The following PLAC9 variants were observed in gnomAD, a reference collection of about 807,000 sequenced individuals.
The protein encoded by PLAC9 is placenta-specific protein 9.
PLAC9 carries 12 observed loss-of-function variants against 11.5 expected under a neutral mutation model. That is an observed-to-expected ratio of 1.05 (90% CI 0.67 to 1.69). The LOEUF (loss-of-function observed/expected upper bound fraction) is 1.69, where lower values mean the gene tolerates loss of function less well. Ranked by LOEUF, PLAC9 falls within the 40% of genes most tolerant of loss-of-function variation. PLAC9 has a pLI of 0.00. For synonymous variants in PLAC9, 62 were observed against 58.1 expected (o/e 1.07, Z -0.31); for missense variants, 132 against 130.5 (o/e 1.01, Z -0.06).
chr10:80,141,822 C>T (rs1054719997), intron 1 of PLAC9, among the ~76,000 whole-genome samples: 7 of 152,066 alleles, frequency 4.6e-5, no homozygotes, highest in African/African-American at 1.7e-4. Context: ...GCCATTCTGC[C>T]TGGCTGAAGC....
intron 2 of PLAC9, among the ~76,000 whole-genome samples, chr10:80,142,894 T>G (rs1845056918): frequency 6.6e-6 from 1 of 151,992 alleles, no homozygotes; most frequent in African/African-American, 2.4e-5. Flanking sequence ...CTAATTTCTG[T>G]ATTTATTTTG....
In PLAC9 at chr10:80,144,968, G is replaced by C; in HGVS notation, c.*58G>C. 2 of 1,556,074 alleles carry C rather than the reference G, an allele frequency of 1.3e-6. No individual in the cohort carries two copies. The highest frequency in any genetic ancestry group is 1.7e-6 in the Non-Finnish European group (2 of 1,147,768). Reference sequence around the variant, plus strand: ...GTGCACCTGCCAGGCAGCGCCCACAGAACCAGCCCTGTCCTCTCGACTTCC... The same window carrying C: ...GTGCACCTGCCAGGCAGCGCCCACACAACCAGCCCTGTCCTCTCGACTTCC... On this transcript the variant is annotated 3_prime_UTR_variant, in exon 4 of 4. Coordinates refer to ENST00000372263, the MANE Select transcript of PLAC9 (RefSeq NM_001012973.3).
chr10:80,143,516 C>T (rs1845065636), intron 2 of PLAC9, among the ~76,000 whole-genome samples: 1 of 148,966 alleles, frequency 6.7e-6, no homozygotes, highest in Non-Finnish European at 1.5e-5. Context: ...CTTGCCTCAG[C>T]CTCCCGAGTA....
Position 80,144,887 on chromosome 10 carries a change from T to C in PLAC9, c.284-13T>C. On this transcript the variant is annotated splice_polypyrimidine_tract_variant and intron_variant, in intron 3 of 3. Coordinates refer to ENST00000372263, the MANE Select transcript of PLAC9 (RefSeq NM_001012973.3). Reference sequence around the variant, plus strand: ...CCCCAGCTTGCTCACTGGGGGCCTCTGCTTTCTTTCAGATGGCTTCTGAGC... The same window carrying C: ...CCCCAGCTTGCTCACTGGGGGCCTCCGCTTTCTTTCAGATGGCTTCTGAGC... 6.4e-7 allele frequency: 1 copy of C among 1,573,478 alleles called. No homozygotes were observed. Among genetic ancestry groups the C allele is most frequent in the Non-Finnish European group, 8.6e-7 (1 of 1,159,480 alleles).
rs1845088689 is a variant in PLAC9, at chr10:80,145,124, T to C, written c.*214T>C. On this transcript the variant is annotated 3_prime_UTR_variant, in exon 4 of 4. Coordinates refer to ENST00000372263, the MANE Select transcript of PLAC9 (RefSeq NM_001012973.3). The stretch of plus-strand genomic sequence containing the variant: ...AGGAAGCCTGCAACCCCCTCCAGGC[T>C]CAGACCTGGGGACACCCCCACTCCT... 1.4e-6 allele frequency: 1 copy of C among 706,090 alleles called. No individual in the cohort carries two copies. The highest frequency in any genetic ancestry group is 2.2e-5 in the Admixed American group (1 of 45,620). The allele number at this position is 706,090 out of a possible 1,614,324, so 43.7% of individuals were successfully genotyped here. A position where few individuals can be genotyped will look rare whatever the true frequency, so the allele number is the denominator to read the frequency against.
intron 1 of PLAC9, among the ~76,000 whole-genome samples, chr10:80,138,323 T>C (rs1432868994): frequency 6.6e-6 from 1 of 152,154 alleles, no homozygotes; most frequent in Non-Finnish European, 1.5e-5. Flanking sequence ...CTTTCATCTG[T>C]AAATATTTCA....
chr10:80,142,073 T>C lies in PLAC9; in HGVS notation c.65-9T>C. On this transcript the variant is annotated splice_polypyrimidine_tract_variant and intron_variant, in intron 1 of 3. Transcript: ENST00000372263. The stretch of plus-strand genomic sequence containing the variant: ...GGGTCCCACAGTGACAAGACTTGTT[T>C]TCCCACAGCTGCCGAACCCTTCAGC... 1 of 1,603,832 alleles carries C rather than the reference T, an allele frequency of 6.2e-7. No individual in the cohort carries two copies.
At chr10:80,132,907 C>A in intron 1 of PLAC9, 81 bp downstream of exon 1, 3 of 1,250,986 alleles carry the variant, frequency 2.4e-6, no homozygotes, top group South Asian at 1.5e-5. Context: ...GCGAGAGAGA[C>A]GGAGAGAGAG....
rs1261860385 is a variant in PLAC9 at position 80,141,750 on chromosome 10, G to A, written c.65-332G>A. On this transcript the variant is annotated intron_variant, in intron 1 of 3. Transcript: ENST00000372263. ...CCCACCCTGTATCTCCAGCCACCGCGGGCTCCCTGCAGGTTTTGCACAGTG... is the reference window on the plus strand; with the variant it reads ...CCCACCCTGTATCTCCAGCCACCGCAGGCTCCCTGCAGGTTTTGCACAGTG... 5.9e-5 allele frequency among the ~76,000 whole-genome samples: 9 copies of A among 151,988 alleles called. No homozygotes were observed. In the East Asian group the frequency reaches 1.4e-3, roughly 23 times the overall value.
At chr10:80,138,394 C>T (rs555650650) in intron 1 of PLAC9, among the ~76,000 whole-genome samples, 1 of 152,256 alleles carries the variant, frequency 6.6e-6, no homozygotes, top group Admixed American at 6.5e-5. Flanking sequence ...TAATGTCCTC[C>T]TCCCTCCCCA....
chr10:80,142,311 A>G (rs1845050092), intron 2 of PLAC9, 132 bp downstream of exon 2: 1 of 671,140 alleles, frequency 1.5e-6, no homozygotes, highest in Admixed American at 2.8e-5. Flanking sequence ...CACCTCGTCC[A>G]ACATCACCCT....
At chr10:80,139,522 G>A (rs1325800331) in intron 1 of PLAC9, among the ~76,000 whole-genome samples, 1 of 152,194 alleles carries the variant, frequency 6.6e-6, no homozygotes, top group Non-Finnish European at 1.5e-5. Context: ...GTGGAGCACT[G>A]CTGGGGGAGG....
At chr10:80,139,168 G>A (rs1365382015) in intron 1 of PLAC9, among the ~76,000 whole-genome samples, 1 of 151,934 alleles carries the variant, frequency 6.6e-6, no homozygotes, top group Admixed American at 6.6e-5. Context: ...TAGCCAGGAT[G>A]GTCTCGATCT....
chr10:80,142,554 G>A (rs2784768), intron 2 of PLAC9, among the ~76,000 whole-genome samples: 85,375 of 151,658 alleles, frequency 0.56, 24,606 homozygotes, highest in Admixed American at 0.7. Flanking sequence ...TACAAACAGC[G>A]AGCCGTGGTA....
rs1206794840 is a variant in PLAC9 at position 80,144,939 on chromosome 10, G to C, written c.*29G>C. 1 of 1,568,870 alleles carries C rather than the reference G, an allele frequency of 6.4e-7. No individual in the cohort carries two copies. The highest frequency in any genetic ancestry group is 1.3e-5 in the African/African-American group (1 of 74,226). On this transcript the variant is annotated 3_prime_UTR_variant, in exon 4 of 4. Transcript: ENST00000372263. ...CTGGAGCTGGAGCCCAGCAGTTGGA[G>C]GTGGTGCACCTGCCAGGCAGCGCCC...
Position 80,141,723 on chromosome 10 carries a change from C to T in PLAC9, c.65-359C>T, listed in dbSNP as rs559985824. The stretch of plus-strand genomic sequence containing the variant: ...ACTTCCCTCTCCAGTCTCTCTCTCC[C>T]GCCCACCCTGTATCTCCAGCCACCG... On this transcript the variant is annotated intron_variant, in intron 1 of 3. Transcript: ENST00000372263. Among the ~76,000 whole-genome samples the T allele has an allele frequency of 1.6e-3, 250 of 152,298 alleles. 2 individuals are homozygous for T. The highest frequency in any genetic ancestry group is 5.4e-3 in the African/African-American group (224 of 41,574).
intron 1 of PLAC9, among the ~76,000 whole-genome samples, chr10:80,135,652 C>A (rs1453869481): frequency 1.3e-5 from 2 of 151,744 alleles, no homozygotes; most frequent in South Asian, 2.1e-4. Context: ...GTCTTGGTTT[C>A]TTTTAGCAGC....
chr10:80,132,949 A>T, intron 1 of PLAC9, 123 bp downstream of exon 1: 2 of 746,918 alleles, frequency 2.7e-6, no homozygotes, highest in Non-Finnish European at 3.9e-6. Context: ...ACAGAGAGGC[A>T]GATGCAGGGA....
intron 1 of PLAC9, among the ~76,000 whole-genome samples, chr10:80,140,230 A>AT (rs1845023630): frequency 6.6e-6 from 1 of 151,582 alleles, no homozygotes; most frequent in Admixed American, 6.6e-5. Flanking sequence ...AAAAAAAAAA[A>AT]TGACAACCAT....
Sources: gnomAD v4.1 joint callset for allele counts (sites outside exome capture counted in the v4.1 genomes callset) on GRCh38, gnomAD v4.1.1 for gene constraint, MANE v1.5 for transcripts, NCBI Gene and HGNC (gene_info 2026-07-23, HGNC 2026-07-21) for gene names.